The following C2CD4A variants were observed in gnomAD, a reference collection of about 807,000 sequenced individuals.
C2CD4A encodes the protein C2 calcium-dependent domain-containing protein 4A.
C2CD4A carries 2 observed loss-of-function variants against 0.4 expected under a neutral mutation model. That is an observed-to-expected ratio of 4.45 (90% CI 1.82 to 13.99). The LOEUF (loss-of-function observed/expected upper bound fraction) is 13.99, where lower values mean the gene tolerates loss of function less well. Among genes scored for constraint, C2CD4A ranks in the 30% most tolerant of loss-of-function variants. The pLI is 0.04. For missense variants in C2CD4A, 610 were observed against 574.2 expected, an observed-to-expected ratio of 1.06 and a Z score of -0.64; for synonymous variants, 297 against 280.8, an observed-to-expected ratio of 1.06 and a Z score of -0.58.
rs187859472 is a variant in C2CD4A, at chr15:62,067,498, C to G, written c.-29-87C>G. ...TCGGGAAAGGCAGGAAGAAACACCC[C>G]GAAAGTATTAATAGGAGAAAAGGAA... On this transcript the variant is annotated intron_variant, in intron 1 of 1. Coordinates refer to ENST00000355522, the MANE Select transcript of C2CD4A (RefSeq NM_207322.3). 134 of 1,163,148 alleles carry G rather than the reference C, an allele frequency of 1.2e-4. No homozygotes were observed. In the East Asian group the frequency reaches 3.2e-3, roughly 28 times the overall value. 72.1% of individuals were successfully genotyped at this position (1,163,148 alleles called of 1,614,324 possible). A position where few individuals can be genotyped will look rare whatever the true frequency, so the allele number is the denominator to read the frequency against.
At position 62,068,216 on chromosome 15, in the gene C2CD4A, G is replaced by A. The variant is rs1446143089; in HGVS notation, c.603G>A (p.Leu201=). The A allele has an allele frequency of 7.3e-7, 1 of 1,364,532 alleles. No individual in the cohort carries two copies. The highest frequency in any genetic ancestry group is 1.6e-5 in the South Asian group (1 of 60,614). The allele number at this position is 1,364,532 out of a possible 1,614,324, so 84.5% of individuals were successfully genotyped here. ...RALRAGRSRR[L]TRVRSVSSGN... is the part of the protein sequence containing the mutation. ...TGCGGGCTGGGAGGAGTCGCCGCCT[G>A]ACCCGCGTCCGCTCCGTCTCCAGCG... Residue 201 remains leucine (L), a synonymous_variant, in exon 2 of 2, where the codon CTG becomes CTA. Coordinates refer to ENST00000355522, the MANE Select transcript of C2CD4A (RefSeq NM_207322.3).
Position 62,067,731 on chromosome 15 carries a change from G to C in C2CD4A, c.118G>C (p.Val40Leu), listed in dbSNP as rs2049053875. ...KSRTTAACAN[V>L]LTPDRIPEFC... ...TCGCACCACCGCCGCGTGCGCAAATGTGCTCACTCCGGACCGCATCCCTGA... is the reference window on the plus strand; with the variant it reads ...TCGCACCACCGCCGCGTGCGCAAATCTGCTCACTCCGGACCGCATCCCTGA... Residue 40 changes from valine (V) to leucine (L), a missense_variant, in exon 2 of 2, where the codon GTG becomes CTG. By Grantham distance (32) the Val-to-Leu change is conservative (BLOSUM62 1). Coordinates refer to ENST00000355522, the MANE Select transcript of C2CD4A (RefSeq NM_207322.3). The C allele has an allele frequency of 6.2e-7, 1 of 1,612,422 alleles. No individual in the cohort carries two copies. Among genetic ancestry groups the C allele is most frequent in the Non-Finnish European group, 8.5e-7 (1 of 1,179,954 alleles).
Position 62,067,768 on chromosome 15 carries a change from C to T in C2CD4A, c.155C>T (p.Pro52Leu), listed in dbSNP as rs1481009111. 1.2e-6 allele frequency: 2 copies of T among 1,612,964 alleles called. No homozygotes were observed. Among genetic ancestry groups the T allele is most frequent in the Non-Finnish European group, 1.7e-6 (2 of 1,179,940 alleles). Residue 52 changes from proline to leucine, a missense_variant, in exon 2 of 2, where the codon CCG becomes CTG. By Grantham distance (98) the Pro-to-Leu change is moderately conservative. Coordinates refer to ENST00000355522, the MANE Select transcript of C2CD4A (RefSeq NM_207322.3). ...TPDRIPEFCIPPRLMPRLALA... is the reference protein window; with the variant it reads ...TPDRIPEFCILPRLMPRLALA... ...GACCGCATCCCTGAGTTCTGCATCC[C>T]GCCACGGCTCATGCCCCGCCTGGCC...
rs1478800994 is a variant in C2CD4A at position 62,068,903 on chromosome 15, A to T, written c.*180A>T. ...TGATATTTTCCATAGATACCTCCAG[A>T]ATTTTTTTCAGCAAATGGAATGGTT... On this transcript the variant is annotated 3_prime_UTR_variant, in exon 2 of 2. Coordinates refer to ENST00000355522, the MANE Select transcript of C2CD4A (RefSeq NM_207322.3). 2.2e-6 allele frequency: 2 copies of T among 928,624 alleles called. No individual in the cohort carries two copies. The highest frequency in any genetic ancestry group is 5.8e-5 in the South Asian group (2 of 34,586). 57.5% of individuals were successfully genotyped at this position (928,624 alleles called of 1,614,324 possible).
chr15:62,068,788 A>G lies in C2CD4A; in HGVS notation c.*65A>G. On this transcript the variant is annotated 3_prime_UTR_variant, in exon 2 of 2. Transcript: ENST00000355522. ...CGGACACTGACAGCCGCGTGGTACA[A>G]AATAAACGTGTATTTGTTGTTCTTA... The G allele has an allele frequency of 7.0e-7, 1 of 1,423,374 alleles. No individual in the cohort carries two copies. The allele number at this position is 1,423,374 out of a possible 1,614,324, so 88.2% of individuals were successfully genotyped here. A position where few individuals can be genotyped will look rare whatever the true frequency, so the allele number is the denominator to read the frequency against.
At position 62,069,008 on chromosome 15, in the gene C2CD4A, G is replaced by A. The variant is rs1254334686; in HGVS notation, c.*285G>A. 2 of 381,142 alleles carry A rather than the reference G, an allele frequency of 5.2e-6. No homozygotes were observed. Among genetic ancestry groups the A allele is most frequent in the Non-Finnish European group, 9.6e-6 (2 of 207,548 alleles). The allele number at this position is 381,142 out of a possible 1,614,324, so 23.6% of individuals were successfully genotyped here. On this transcript the variant is annotated 3_prime_UTR_variant, in exon 2 of 2. Transcript: ENST00000355522. Reference sequence around the variant, plus strand: ...CCTAGGAAATAATGAATCACATGAAGTGTTAGAACTAGAAAGTGTCTTGGC... The same window carrying A: ...CCTAGGAAATAATGAATCACATGAAATGTTAGAACTAGAAAGTGTCTTGGC...
In C2CD4A at chr15:62,068,273, C is replaced by T. The variant is rs1318610114; in HGVS notation, c.660C>T (p.Ser220=). The T allele has an allele frequency of 6.5e-6, 9 of 1,383,912 alleles. No homozygotes were observed. The highest frequency in any genetic ancestry group is 8.4e-6 in the Non-Finnish European group (9 of 1,070,260). 85.7% of individuals were successfully genotyped at this position (1,383,912 alleles called of 1,614,324 possible). The change falls in exon 2 of 2, where the codon TCC becomes TCT. Residue 220 remains serine (S), a synonymous_variant. Transcript: ENST00000355522. ...GNEDKERRAG[S]QSPARAPSTS... is the part of the protein sequence containing the mutation. ...AGGACAAGGAGCGCCGCGCGGGCTC[C>T]CAGTCCCCGGCCCGGGCCCCCTCCA...
rs1171988410 is a variant in C2CD4A, at chr15:62,067,626, G to A, written c.13G>A (p.Glu5Lys). MWCL[E>K]RLRLGPECLR... Reference sequence around the variant, plus strand: ...AGAGAGTGGCCAGATGTGGTGCCTGGAGCGACTCCGCTTGGGTCCTGAGTG... The same window carrying A: ...AGAGAGTGGCCAGATGTGGTGCCTGAAGCGACTCCGCTTGGGTCCTGAGTG... The change falls in exon 2 of 2, where the codon GAG becomes AAG. Residue 5 changes from glutamate (E) to lysine (K), a missense_variant. Coordinates refer to ENST00000355522, the MANE Select transcript of C2CD4A (RefSeq NM_207322.3). The A allele has an allele frequency of 6.3e-7, 1 of 1,593,840 alleles. No individual in the cohort carries two copies. The highest frequency in any genetic ancestry group is 8.5e-7 in the Non-Finnish European group (1 of 1,173,574).
In C2CD4A at chr15:62,070,754, C is replaced by T. The variant is rs928601362; in HGVS notation, c.*2031C>T. On this transcript the variant is annotated 3_prime_UTR_variant, in exon 2 of 2. Coordinates refer to ENST00000355522, the MANE Select transcript of C2CD4A (RefSeq NM_207322.3). ...ATGACATAGAGTAGTTCAGATCTAT[C>T]ATGTGCTCTTCTATCTAATCAGTCA... 2.5e-5 allele frequency: 9 copies of T among 366,642 alleles called. No homozygotes were observed. The highest frequency in any genetic ancestry group is 3.5e-5 in the Non-Finnish European group (7 of 198,626). 22.7% of individuals were successfully genotyped at this position (366,642 alleles called of 1,614,324 possible). A position where few individuals can be genotyped will look rare whatever the true frequency, so the allele number is the denominator to read the frequency against.
Position 62,068,222 on chromosome 15 carries a change from C to T in C2CD4A, c.609C>T (p.Arg203=). The T allele has an allele frequency of 7.3e-7, 1 of 1,372,200 alleles. No individual in the cohort carries two copies. Among genetic ancestry groups the T allele is most frequent in the Non-Finnish European group, 9.4e-7 (1 of 1,061,342 alleles). The allele number at this position is 1,372,200 out of a possible 1,614,324, so 85.0% of individuals were successfully genotyped here. A position where few individuals can be genotyped will look rare whatever the true frequency, so the allele number is the denominator to read the frequency against. Reference sequence around the variant, plus strand: ...CTGGGAGGAGTCGCCGCCTGACCCGCGTCCGCTCCGTCTCCAGCGGGAACG... The same window carrying T: ...CTGGGAGGAGTCGCCGCCTGACCCGTGTCCGCTCCGTCTCCAGCGGGAACG... ...LRAGRSRRLT[R]VRSVSSGNED... The change falls in exon 2 of 2, where the codon CGC becomes CGT. Residue 203 remains arginine (R), a synonymous_variant. Coordinates refer to ENST00000355522, the MANE Select transcript of C2CD4A (RefSeq NM_207322.3).
In C2CD4A at chr15:62,068,084, G is replaced by A. The variant is rs1436438058; in HGVS notation, c.471G>A (p.Ala157=). 4.6e-5 allele frequency: 52 copies of A among 1,129,556 alleles called. No homozygotes were observed. Among genetic ancestry groups the A allele is most frequent in the Non-Finnish European group, 5.5e-5 (51 of 925,322 alleles). The allele number at this position is 1,129,556 out of a possible 1,614,324, so 70.0% of individuals were successfully genotyped here. A position where few individuals can be genotyped will look rare whatever the true frequency, so the allele number is the denominator to read the frequency against. Residue 157 remains alanine (A), a synonymous_variant, in exon 2 of 2, where the codon GCG becomes GCA. Coordinates refer to ENST00000355522, the MANE Select transcript of C2CD4A (RefSeq NM_207322.3). The part of the protein sequence containing the change: ...TLRVPRAPGP[A]TPAAPGCPRP... ...GCGTCCCGCGAGCTCCGGGCCCGGC[G>A]ACCCCCGCGGCCCCCGGCTGTCCCC...
In C2CD4A at chr15:62,068,810, C is replaced by A; in HGVS notation, c.*87C>A. ...ACAAAATAAACGTGTATTTGTTGTT[C>A]TTATCAGTCCCGTTTCAGTACAACA... On this transcript the variant is annotated 3_prime_UTR_variant, in exon 2 of 2. Coordinates refer to ENST00000355522, the MANE Select transcript of C2CD4A (RefSeq NM_207322.3). The A allele has an allele frequency of 7.2e-7, 1 of 1,393,936 alleles. No individual in the cohort carries two copies. The highest frequency in any genetic ancestry group is 9.4e-7 in the Non-Finnish European group (1 of 1,062,928). 86.3% of individuals were successfully genotyped at this position (1,393,936 alleles called of 1,614,324 possible). A position where few individuals can be genotyped will look rare whatever the true frequency, so the allele number is the denominator to read the frequency against.
rs2049074873 is a variant in C2CD4A at position 62,070,148 on chromosome 15, C to G, written c.*1425C>G. On this transcript the variant is annotated 3_prime_UTR_variant, in exon 2 of 2. Coordinates refer to ENST00000355522, the MANE Select transcript of C2CD4A (RefSeq NM_207322.3). ...ACGATTTTCCCTCATCCCTTGAATT[C>G]ACTGCCAGCAGGGCATTTTTTTCTT... 2 of 403,964 alleles carry G rather than the reference C, an allele frequency of 5.0e-6. No homozygotes were observed. 25.0% of individuals were successfully genotyped at this position (403,964 alleles called of 1,614,324 possible).
Position 62,068,458 on chromosome 15 carries a change from G to A in C2CD4A, c.845G>A (p.Gly282Glu), listed in dbSNP as rs549099257. 7.0e-6 allele frequency: 10 copies of A among 1,428,142 alleles called. No individual in the cohort carries two copies. In the East Asian group the frequency reaches 2.7e-4, roughly 38 times the overall value. The allele number at this position is 1,428,142 out of a possible 1,614,324, so 88.5% of individuals were successfully genotyped here. ...LRLLRAESPA[G>E]GAPGPRAVSC... Reference sequence around the variant, plus strand: ...CTGCTCCGCGCCGAGAGCCCGGCCGGAGGCGCCCCCGGGCCCCGAGCCGTC... The same window carrying A: ...CTGCTCCGCGCCGAGAGCCCGGCCGAAGGCGCCCCCGGGCCCCGAGCCGTC... Residue 282 changes from glycine to glutamate, a missense_variant, in exon 2 of 2, where the codon GGA becomes GAA. Coordinates refer to ENST00000355522, the MANE Select transcript of C2CD4A (RefSeq NM_207322.3).
rs748350084 is a variant in C2CD4A, at chr15:62,068,515, C to G, written c.902C>G (p.Pro301Arg). 2 of 1,518,428 alleles carry G rather than the reference C, an allele frequency of 1.3e-6. No homozygotes were observed. The highest frequency in any genetic ancestry group is 1.8e-6 in the Non-Finnish European group (2 of 1,134,634). The allele number at this position is 1,518,428 out of a possible 1,614,324, so 94.1% of individuals were successfully genotyped here. A position where few individuals can be genotyped will look rare whatever the true frequency, so the allele number is the denominator to read the frequency against. ...SCRLSLVLRP[P>R]GTALRQCSTV... ...CGCCTCAGCCTCGTCCTGCGGCCGC[C>G]GGGCACCGCGCTTCGGCAATGCAGC... The change falls in exon 2 of 2, where the codon CCG becomes CGG. Residue 301 changes from proline (P) to arginine (R), a missense_variant. By Grantham distance (103) the Pro-to-Arg change is moderately radical. Coordinates refer to ENST00000355522, the MANE Select transcript of C2CD4A (RefSeq NM_207322.3).
In C2CD4A at chr15:62,067,705, C is replaced by G. The variant is rs548063312; in HGVS notation, c.92C>G (p.Ser31Cys). ...CCGGGTCGGGCCCGCGGAGCCAAGT[C>G]TCGCACCACCGCCGCGTGCGCAAAT... Reference protein sequence around the residue: ...LLPGRARGAKSRTTAACANVL... With the variant: ...LLPGRARGAKCRTTAACANVL... The change falls in exon 2 of 2, where the codon TCT (serine) becomes TGT (cysteine). Residue 31 changes from serine to cysteine, a missense_variant. Physicochemically the swap from Ser to Cys is moderately radical, Grantham distance 112. Coordinates refer to ENST00000355522, the MANE Select transcript of C2CD4A (RefSeq NM_207322.3). 1.2e-6 allele frequency: 2 copies of G among 1,609,928 alleles called. No individual in the cohort carries two copies. Among genetic ancestry groups the G allele is most frequent in the East Asian group, 2.2e-5 (1 of 44,834 alleles).
rs2049056478 is a variant in C2CD4A at position 62,067,962 on chromosome 15, A to G, written c.349A>G (p.Lys117Glu). The G allele has an allele frequency of 6.5e-7, 1 of 1,531,206 alleles. No homozygotes were observed. The highest frequency in any genetic ancestry group is 1.4e-5 in the African/African-American group (1 of 71,710). The allele number at this position is 1,531,206 out of a possible 1,614,324, so 94.9% of individuals were successfully genotyped here. ...GCTCGAGAGCCCGCACACGCGCCGCAAGGAGTCGCTCCTGCTCGGGGGCCC... is the reference window on the plus strand; with the variant it reads ...GCTCGAGAGCCCGCACACGCGCCGCGAGGAGTCGCTCCTGCTCGGGGGCCC... ...ALLESPHTRR[K>E]ESLLLGGPPA... The change falls in exon 2 of 2, where the codon AAG becomes GAG. Residue 117 changes from lysine (K) to glutamate (E), a missense_variant. Lys to Glu is a moderately conservative substitution (Grantham distance 56). Coordinates refer to ENST00000355522, the MANE Select transcript of C2CD4A (RefSeq NM_207322.3).
chr15:62,068,947 T>C lies in C2CD4A; in HGVS notation c.*224T>C, dbSNP rs1230260174. 2 of 511,456 alleles carry C rather than the reference T, an allele frequency of 3.9e-6. No homozygotes were observed. The highest frequency in any genetic ancestry group is 6.5e-6 in the Non-Finnish European group (2 of 305,616). The allele number at this position is 511,456 out of a possible 1,614,324, so 31.7% of individuals were successfully genotyped here. A position where few individuals can be genotyped will look rare whatever the true frequency, so the allele number is the denominator to read the frequency against. On this transcript the variant is annotated 3_prime_UTR_variant, in exon 2 of 2. Coordinates refer to ENST00000355522, the MANE Select transcript of C2CD4A (RefSeq NM_207322.3). ...AATGGTTCTACAGTGTTTCCCAATA[T>C]AGACAGCCATTTGCATACCATATGT...
rs2049061784 is a variant in C2CD4A, at chr15:62,068,420, G to GCTCCGC, written c.813_818dup (p.Arg273_Leu274dup). Reference sequence around the variant, plus strand: ...CCGAGTACTGTCCGGGAACCGGGCGGCTCCGCCTCCGGCTGCTCCGCGCCG... The same window carrying GCTCCGC: ...CCGAGTACTGTCCGGGAACCGGGCGGCTCCGCCTCCGCCTCCGGCTGCTCCGCGCCG... On this transcript the variant is annotated inframe_insertion, in exon 2 of 2. Transcript: ENST00000355522. 2 of 1,399,808 alleles carry GCTCCGC rather than the reference G, an allele frequency of 1.4e-6. No individual in the cohort carries two copies. Among genetic ancestry groups the GCTCCGC allele is most frequent in the Admixed American group, 6.9e-5 (2 of 29,136 alleles). The allele number at this position is 1,399,808 out of a possible 1,614,324, so 86.7% of individuals were successfully genotyped here.
Sources: gnomAD v4.1 joint callset for allele counts on GRCh38, gnomAD v4.1.1 for gene constraint, MANE v1.5 for transcripts, NCBI Gene and HGNC (gene_info 2026-07-23, HGNC 2026-07-21) for gene names.